SH2D3C: variants seen among roughly 807,000 people sequenced by gnomAD.
SH2D3C encodes the protein SH2 domain-containing protein 3C.
In SH2D3C, 25 loss-of-function variants were observed where a neutral mutation model predicts 75.2. The observed-to-expected ratio is 0.33, with a 90% CI of 0.24 to 0.46. SH2D3C has a LOEUF of 0.46. Among genes scored for constraint, SH2D3C ranks in the 20% least tolerant of loss-of-function variants. The pLI is 1.00. For synonymous variants in SH2D3C, 450 were observed against 473.7 expected, an observed-to-expected ratio of 0.95 and a Z score of 0.65; for missense variants, 933 against 1,165.3, an observed-to-expected ratio of 0.80 and a Z score of 2.90.
At chr9:127,745,413 C>A (rs1844999064) in intron 6 of SH2D3C, among the ~76,000 whole-genome samples, 1 of 151,494 alleles carries the variant, frequency 6.6e-6, no homozygotes, top group Admixed American at 6.6e-5. Context: ...GTTTCTTGTG[C>A]CACATGTGAT....
intron 2 of SH2D3C, among the ~76,000 whole-genome samples, chr9:127,764,289 C>T (rs544205643): frequency 4.6e-5 from 7 of 152,204 alleles, no homozygotes; most frequent in Admixed American, 2.6e-4. Flanking sequence ...CATGGGGTGG[C>T]GCTACAACAC....
intron 2 of SH2D3C, chr9:127,771,116 G>T: frequency 8.1e-7 from 1 of 1,231,270 alleles, no homozygotes; most frequent in Non-Finnish European, 1.1e-6. Context: ...CTGCCCCAGG[G>T]GTGCAGATTT....
chr9:127,764,290 G>A (rs1845591472), intron 2 of SH2D3C, among the ~76,000 whole-genome samples: 1 of 152,014 alleles, frequency 6.6e-6, no homozygotes, highest in East Asian at 1.9e-4. Context: ...ATGGGGTGGC[G>A]CTACAACACT....
chr9:127,738,687 T>C lies in SH2D3C; in HGVS notation c.*59A>G, dbSNP rs1330628572. 1.4e-6 allele frequency: 2 copies of C among 1,474,068 alleles called. No individual in the cohort carries two copies. The highest frequency in any genetic ancestry group is 2.5e-5 in the East Asian group (1 of 40,412). The allele number at this position is 1,474,068 out of a possible 1,614,324, so 91.3% of individuals were successfully genotyped here. ...TGTCCTTGGGGTGCTCTGGGGAAAGTTGTGTGCCCCTCTGCCCCTGACGCT... is the reference window on the plus strand; with the variant it reads ...TGTCCTTGGGGTGCTCTGGGGAAAGCTGTGTGCCCCTCTGCCCCTGACGCT... On this transcript the variant is annotated 3_prime_UTR_variant, in exon 12 of 12. Coordinates refer to ENST00000314830, the MANE Select transcript of SH2D3C (RefSeq NM_170600.3). This position sits in a 1 kb window ranked among gnomAD's most constrained non-coding sequence, Gnocchi z 5.0.
chr9:127,758,479 G>A (rs1391303518), intron 3 of SH2D3C, among the ~76,000 whole-genome samples: 1 of 152,100 alleles, frequency 6.6e-6, no homozygotes, highest in Non-Finnish European at 1.5e-5. Flanking sequence ...CAGGCAGCTG[G>A]GGTCAATGGG....
intron 2 of SH2D3C, among the ~76,000 whole-genome samples, chr9:127,763,802 G>A (rs1186480491): frequency 6.6e-6 from 1 of 152,186 alleles, no homozygotes; most frequent in Non-Finnish European, 1.5e-5. Context: ...GACGTTGTCT[G>A]ATAGCCCTCC....
At position 127,754,959 on chromosome 9, in the gene SH2D3C, C is replaced by A. The variant is rs1051764078; in HGVS notation, c.556-3659G>T. The A allele has an allele frequency of 7.8e-6, 4 of 512,020 alleles. No individual in the cohort carries two copies. The highest frequency in any genetic ancestry group is 9.5e-6 in the Non-Finnish European group (3 of 315,970). The allele number at this position is 512,020 out of a possible 1,614,324, so 31.7% of individuals were successfully genotyped here. On this transcript the variant is annotated intron_variant, in intron 3 of 11. Coordinates refer to ENST00000314830, the MANE Select transcript of SH2D3C (RefSeq NM_170600.3). The surrounding 1 kb of genome is among the most constrained non-coding windows in gnomAD (Gnocchi z 4.4). ...CCTCCCCGGGTCGGCCGGGCCCAGC[C>A]CAGCCCGACCCTGCCGGGCGCCGCT... is the stretch of plus-strand genomic sequence containing the variant.
chr9:127,757,124 A>G (rs922325630), intron 3 of SH2D3C, among the ~76,000 whole-genome samples: 1 of 102,916 alleles, frequency 9.7e-6, no homozygotes, highest in South Asian at 2.9e-4. Context: ...TTTTTTTTTT[A>G]TAGAGATGGG....
chr9:127,744,673 G>A lies in SH2D3C; in HGVS notation c.1691C>T (p.Pro564Leu), dbSNP rs1844969114. The change falls in exon 7 of 12, where the codon CCC becomes CTC. Residue 564 changes from proline (P) to leucine (L), a missense_variant. By Grantham distance (98) the Pro-to-Leu change is moderately conservative (BLOSUM62 -3). Transcript: ENST00000314830. ...CACCTCCAGTGGCCGGTTATCCCTG[G>A]GGATCAGTAGTGACTGGAAGGTGGC... ...NPATFQSLLI[P>L]RDNRPLEVGL... 1 of 1,614,064 alleles carries A rather than the reference G, an allele frequency of 6.2e-7. No individual in the cohort carries two copies. The highest frequency in any genetic ancestry group is 1.1e-5 in the South Asian group (1 of 91,090).
At position 127,774,052 on chromosome 9, in the gene SH2D3C, C is replaced by A. The variant is rs773785331; in HGVS notation, c.453G>T (p.Lys151Asn). The A allele has an allele frequency of 1.2e-6, 2 of 1,614,220 alleles. No individual in the cohort carries two copies. Among genetic ancestry groups the A allele is most frequent in the Admixed American group, 3.3e-5 (2 of 60,024 alleles). Residue 151 changes from lysine to asparagine, a missense_variant, in exon 2 of 12, where the codon AAG becomes AAT. Coordinates refer to ENST00000314830, the MANE Select transcript of SH2D3C (RefSeq NM_170600.3). This position sits in a 1 kb window ranked among gnomAD's most constrained non-coding sequence, Gnocchi z 4.3. ...PSAVEVDPIR[K>N]PEVPTGDVEE... is the part of the protein sequence containing the mutation. ...CTACGTCTCCTGTGGGGACCTCAGG[C>A]TTTCTGATGGGGTCTACCTCCACTG... is the stretch of plus-strand genomic sequence containing the variant.
At position 127,774,298 on chromosome 9, in the gene SH2D3C, G is replaced by A. The variant is rs760490295; in HGVS notation, c.207C>T (p.Arg69=). ...TVPKSPPAYA[R]SSDMYSHMGT... ...CCATGTGGCTGTACATGTCACTGGA[G>A]CGGGCATAGGCTGGGGGACTCTTGG... The change falls in exon 2 of 12, where the codon CGC becomes CGT. Residue 69 remains arginine (R), a synonymous_variant. Transcript: ENST00000314830. The surrounding 1 kb of genome is among the most constrained non-coding windows in gnomAD (Gnocchi z 4.3). The A allele has an allele frequency of 3.7e-6, 6 of 1,614,110 alleles. No homozygotes were observed. Among genetic ancestry groups the A allele is most frequent in the South Asian group, 2.2e-5 (2 of 91,088 alleles).
intron 8 of SH2D3C, among the ~76,000 whole-genome samples, 156 bp from the exon 9 acceptor site, chr9:127,742,115 G>A (rs929828187): frequency 6.6e-6 from 1 of 152,130 alleles, no homozygotes; most frequent in Non-Finnish European, 1.5e-5. Context: ...CGGCCAGAGC[G>A]TGGAAAGCAA....
chr9:127,754,985 G>A lies in SH2D3C; in HGVS notation c.556-3685C>T, dbSNP rs2131773448. ...CAGCCCGACCCTGCCGGGCGCCGCT[G>A]AGCTGCAGCTCCCCGGCTGGCTCTA... is the stretch of plus-strand genomic sequence containing the variant. On this transcript the variant is annotated intron_variant, in intron 3 of 11. Coordinates refer to ENST00000314830, the MANE Select transcript of SH2D3C (RefSeq NM_170600.3). The surrounding 1 kb of genome is among the most constrained non-coding windows in gnomAD (Gnocchi z 4.4). 1 of 586,402 alleles carries A rather than the reference G, an allele frequency of 1.7e-6. No individual in the cohort carries two copies. Among genetic ancestry groups the A allele is most frequent in the East Asian group, 6.6e-5 (1 of 15,208 alleles). The allele number at this position is 586,402 out of a possible 1,614,324, so 36.3% of individuals were successfully genotyped here.
At position 127,749,817 on chromosome 9, in the gene SH2D3C, G is replaced by C; in HGVS notation, c.685-152C>G. 1.6e-6 allele frequency: 1 copy of C among 627,938 alleles called. No individual in the cohort carries two copies. Among genetic ancestry groups the C allele is most frequent in the Non-Finnish European group, 2.8e-6 (1 of 351,962 alleles). The allele number at this position is 627,938 out of a possible 1,614,324, so 38.9% of individuals were successfully genotyped here. A position where few individuals can be genotyped will look rare whatever the true frequency, so the allele number is the denominator to read the frequency against. On this transcript the variant is annotated intron_variant, in intron 4 of 11. Transcript: ENST00000314830. This position sits in a 1 kb window ranked among gnomAD's most constrained non-coding sequence, Gnocchi z 5.9. The stretch of plus-strand genomic sequence containing the variant: ...ATGAACAGAGACATCTGACATCTGA[G>C]AGCGGGGATGCAATGACCCAGGTTC...
At position 127,744,626 on chromosome 9, in the gene SH2D3C, C is replaced by A; in HGVS notation, c.1738G>T (p.Glu580Ter). ...LEVGLLRKVK[E>*]LLAEVDARTL... Reference sequence around the variant, plus strand: ...CGGGCATCCACTTCTGCCAGCAGCTCCTTGACCTTGCGCAGAAGGCCCACC... The same window carrying A: ...CGGGCATCCACTTCTGCCAGCAGCTACTTGACCTTGCGCAGAAGGCCCACC... Residue 580 changes from glutamate to a stop codon, truncating the protein, a stop_gained, in exon 7 of 12, where the codon GAG becomes TAG. Coordinates refer to ENST00000314830, the MANE Select transcript of SH2D3C (RefSeq NM_170600.3). LOFTEE classifies it high-confidence loss of function. 1 of 1,614,040 alleles carries A rather than the reference C, an allele frequency of 6.2e-7. No homozygotes were observed. The highest frequency in any genetic ancestry group is 2.2e-5 in the East Asian group (1 of 44,878).
chr9:127,743,516 A>AAAAT (rs1440506302), intron 7 of SH2D3C, among the ~76,000 whole-genome samples: 14 of 152,312 alleles, frequency 9.2e-5, no homozygotes, highest in African/African-American at 3.4e-4. Flanking sequence ...AAATAAAAAT[A>AAAAT]AAATAAATAA....
chr9:127,765,758 T>C (rs1403066710), intron 2 of SH2D3C, among the ~76,000 whole-genome samples: 1 of 152,220 alleles, frequency 6.6e-6, no homozygotes, highest in African/African-American at 2.4e-5. Flanking sequence ...AATCCAGGAA[T>C]CAAAGCATCC....
At chr9:127,773,927 A>AG (rs1408446992) in intron 2 of SH2D3C, 63 bp downstream of exon 2, 1 of 1,023,546 alleles carries the variant, frequency 9.8e-7, no homozygotes, top group East Asian at 2.4e-5. Context: ...CAAAAAAAAA[A>AG]AAAAGAAAAA....
rs750353441 is a variant in SH2D3C at position 127,741,871 on chromosome 9, T to A, written c.2005A>T (p.Ile669Phe). Residue 669 changes from isoleucine to phenylalanine, a missense_variant, in exon 9 of 12, where the codon ATT becomes TTT. By Grantham distance (21) the Ile-to-Phe change is conservative (BLOSUM62 0). Coordinates refer to ENST00000314830, the MANE Select transcript of SH2D3C (RefSeq NM_170600.3). Reference protein sequence around the residue: ...EERAALLHKTIQLAAELRGTM... With the variant: ...EERAALLHKTFQLAAELRGTM... ...CCCCGCAGCTCGGCCGCCAGCTGAA[T>A]GGTCTTGTGCAGCAGCGCTGCCCGC... 6.2e-7 allele frequency: 1 copy of A among 1,613,270 alleles called. No homozygotes were observed. The highest frequency in any genetic ancestry group is 8.5e-7 in the Non-Finnish European group (1 of 1,180,008).
Sources: gnomAD v4.1 joint callset for allele counts (sites outside exome capture counted in the v4.1 genomes callset) on GRCh38, gnomAD v4.1.1 for gene constraint, Gnocchi (gnomAD v3.1) non-coding constraint, MANE v1.5 for transcripts, NCBI Gene and HGNC (gene_info 2026-07-23, HGNC 2026-07-21) for gene names.